The following ARHGAP17 variants were observed in gnomAD, a reference collection of about 807,000 sequenced individuals.
ARHGAP17 encodes the protein Rho GTPase activating protein 17.
ARHGAP17 carries 57 observed loss-of-function variants against 99.5 expected under a neutral mutation model. The ratio of observed to expected loss-of-function variants is 0.57; its 90% CI spans 0.46 to 0.71. The LOEUF is 0.71. ARHGAP17 is among the 30% of genes least tolerant of loss of function. The pLI is 0.00. For missense variants in ARHGAP17, 1,000 were observed against 1,122.4 expected (o/e 0.89, Z 1.56); for synonymous variants, 417 against 429.6 (o/e 0.97, Z 0.36).
intron 19 of ARHGAP17, among the ~76,000 whole-genome samples, chr16:24,923,481 T>G (rs567087716): frequency 6.6e-6 from 1 of 152,064 alleles, no homozygotes; most frequent in South Asian, 2.1e-4. Flanking sequence ...AAAAACAAAA[T>G]AGGCTGGGCG....
intron 1 of ARHGAP17, among the ~76,000 whole-genome samples, chr16:24,984,871 G>GA (rs574289852): frequency 6.2e-4 from 94 of 150,928 alleles, no homozygotes; most frequent in African/African-American, 2.0e-3. Flanking sequence ...TATAAAATGG[G>GA]AAAAAAAACC....
At position 24,950,851 on chromosome 16, in the gene ARHGAP17, A is replaced by AAAG. The variant is rs1278939797; in HGVS notation, c.1047-1368_1047-1367insCTT. Among the ~76,000 whole-genome samples, 161 of 151,312 alleles carry AAAG rather than the reference A, an allele frequency of 1.1e-3. No homozygotes were observed. The South Asian group carries it at 0.024, about 22-fold the overall frequency. On this transcript the variant is annotated intron_variant, in intron 12 of 19. Transcript: ENST00000289968. Reference sequence around the variant, plus strand: ...GACTCCAACTCAAAAAAAAAAAAAAAAAAAAAAGAAAAAAGCTCAAATGCA... The same window carrying AAAG: ...GACTCCAACTCAAAAAAAAAAAAAAAAAGAAAAAAAGAAAAAAGCTCAAATGCA...
Position 24,994,623 on chromosome 16 carries a change from C to T in ARHGAP17, c.54-15618G>A, listed in dbSNP as rs1001327136. Among the ~76,000 whole-genome samples the T allele has an allele frequency of 5.9e-5, 9 of 152,296 alleles. No homozygotes were observed. The South Asian group carries it at 1.7e-3, about 28-fold the overall frequency. On this transcript the variant is annotated intron_variant, in intron 1 of 19. Coordinates refer to ENST00000289968, the MANE Select transcript of ARHGAP17 (RefSeq NM_001006634.3). ...ACATTTATTGAGCTCATATCACATG[C>T]TCAGCACTGTTCCAGGTGCTTTGCA... is the stretch of plus-strand genomic sequence containing the variant.
At chr16:24,938,456 A>G (rs970486566) in intron 17 of ARHGAP17, among the ~76,000 whole-genome samples, 2 of 152,118 alleles carry the variant, frequency 1.3e-5, no homozygotes, top group Non-Finnish European at 2.9e-5. Context: ...TTAAGCAACT[A>G]AAAGAGCCTT....
At chr16:24,953,098 G>A (rs906569213) in intron 10 of ARHGAP17, 56 bp from the exon 11 acceptor site, 3 of 1,500,424 alleles carry the variant, frequency 2.0e-6, no homozygotes, top group Non-Finnish European at 1.9e-6. Context: ...CTCAGACTAA[G>A]TGGCAGTGTG....
At chr16:24,998,066 G>C (rs916243389) in intron 1 of ARHGAP17, among the ~76,000 whole-genome samples, 1 of 151,958 alleles carries the variant, frequency 6.6e-6, no homozygotes, top group Non-Finnish European at 1.5e-5. Flanking sequence ...GCAGGGGACA[G>C]GATAGGAGTC....
rs2051766158 is a variant in ARHGAP17 at position 24,955,032 on chromosome 16, C to T, written c.725-302G>A. On this transcript the variant is annotated intron_variant, in intron 9 of 19. Coordinates refer to ENST00000289968, the MANE Select transcript of ARHGAP17 (RefSeq NM_001006634.3). This position sits in a 1 kb window ranked among gnomAD's most constrained non-coding sequence, Gnocchi z 4.0. ...ACCACACTTCATCAACACACGCCAG[C>T]GGGTTTAGTGGGCTGCCTTGAACCA... is the stretch of plus-strand genomic sequence containing the variant. The T allele has an allele frequency of 6.7e-6, 2 of 299,492 alleles. No individual in the cohort carries two copies. The highest frequency in any genetic ancestry group is 1.0e-4 in the Admixed American group (2 of 19,356). The allele number at this position is 299,492 out of a possible 1,614,324, so 18.6% of individuals were successfully genotyped here. A position where few individuals can be genotyped will look rare whatever the true frequency, so the allele number is the denominator to read the frequency against.
chr16:24,921,513 C>T (rs1000787456), intron 19 of ARHGAP17, among the ~76,000 whole-genome samples: 6 of 152,074 alleles, frequency 3.9e-5, no homozygotes, highest in African/African-American at 1.2e-4. Flanking sequence ...TATTTCTGTT[C>T]GACCTGCTCC....
chr16:24,945,576 A>C (rs2051447006), intron 14 of ARHGAP17, among the ~76,000 whole-genome samples: 1 of 152,170 alleles, frequency 6.6e-6, no homozygotes. Flanking sequence ...GACTGCCTCA[A>C]ACCTCTCCTC....
intron 7 of ARHGAP17, among the ~76,000 whole-genome samples, chr16:24,961,595 A>T (rs2052003782): frequency 7.0e-6 from 1 of 142,980 alleles, no homozygotes; most frequent in African/African-American, 2.6e-5. Context: ...TGGTGGCGCA[A>T]TCTTGGCCCA....
intron 1 of ARHGAP17, among the ~76,000 whole-genome samples, chr16:24,983,966 G>A (rs774254371): frequency 3.3e-5 from 5 of 152,178 alleles, no homozygotes; most frequent in Non-Finnish European, 7.3e-5. Context: ...GTGTGGCAAT[G>A]TCCAACCCTG....
At chr16:24,990,877 C>A (rs527527580) in intron 1 of ARHGAP17, among the ~76,000 whole-genome samples, 6 of 150,240 alleles carry the variant, frequency 4.0e-5, no homozygotes, top group Non-Finnish European at 7.4e-5. Context: ...GGTGGCAGAA[C>A]GAGCAGCAGG....
At chr16:24,947,347 A>T (rs56891496) in intron 14 of ARHGAP17, 135 bp downstream of exon 14, 1 of 734,062 alleles carries the variant, frequency 1.4e-6, no homozygotes, top group Admixed American at 2.4e-5. Flanking sequence ...CCAAGAATAT[A>T]GGCTGAATGA....
intron 1 of ARHGAP17, among the ~76,000 whole-genome samples, chr16:25,014,381 C>T (rs2053725685): frequency 6.6e-6 from 1 of 152,338 alleles, no homozygotes; most frequent in East Asian, 1.9e-4. Flanking sequence ...TCAAAAACCA[C>T]AAATCATTTC....
Position 25,015,327 on chromosome 16 carries a change from A to G in ARHGAP17, c.-66T>C. 1 of 1,224,590 alleles carries G rather than the reference A, an allele frequency of 8.2e-7. No homozygotes were observed. Among genetic ancestry groups the G allele is most frequent in the Non-Finnish European group, 1.0e-6 (1 of 976,008 alleles). 75.9% of individuals were successfully genotyped at this position (1,224,590 alleles called of 1,614,324 possible). A position where few individuals can be genotyped will look rare whatever the true frequency, so the allele number is the denominator to read the frequency against. ...CAGGGCGGGGGACAGCCTGGCAGCT[A>G]CTACATCGCTTCCCGGCCCAAACGG... On this transcript the variant is annotated 5_prime_UTR_variant, in exon 1 of 20. Transcript: ENST00000289968.
At chr16:25,007,820 T>A (rs1163007025) in intron 1 of ARHGAP17, among the ~76,000 whole-genome samples, 2 of 152,196 alleles carry the variant, frequency 1.3e-5, no homozygotes, top group East Asian at 1.9e-4. Context: ...AAACTTCACA[T>A]GAAAATCAGC....
intron 1 of ARHGAP17, among the ~76,000 whole-genome samples, chr16:25,000,912 C>T (rs2141479601): frequency 6.6e-6 from 1 of 152,324 alleles, no homozygotes; most frequent in Middle Eastern, 3.4e-3. Flanking sequence ...AGCAGACACA[C>T]TAAAAGTTGT....
intron 1 of ARHGAP17, among the ~76,000 whole-genome samples, chr16:25,012,344 C>T (rs925104581): frequency 6.6e-6 from 1 of 152,152 alleles, no homozygotes; most frequent in Non-Finnish European, 1.5e-5. Context: ...TCTACAAGTC[C>T]CTCCCCTGGA....
At chr16:24,937,349 G>A (rs1229200867) in intron 17 of ARHGAP17, among the ~76,000 whole-genome samples, 1 of 152,194 alleles carries the variant, frequency 6.6e-6, no homozygotes, top group Non-Finnish European at 1.5e-5. Flanking sequence ...TTGAACCCAG[G>A]AGGCAGAGGT....
Sources: allele counts gnomAD v4.1 joint callset (sites outside exome capture counted in the v4.1 genomes callset), GRCh38; gene constraint gnomAD v4.1.1; non-coding constraint Gnocchi (gnomAD v3.1); transcripts MANE v1.5; gene names NCBI Gene and HGNC (gene_info 2026-07-23, HGNC 2026-07-21).